Variants in ZC3H7B observed in about 807,000 individuals in gnomAD.
The protein encoded by ZC3H7B is zinc finger CCCH domain-containing protein 7B.
In ZC3H7B, 35 loss-of-function variants were observed where a neutral mutation model predicts 116.0. The ratio of observed to expected loss-of-function variants is 0.30; its 90% CI spans 0.23 to 0.40. ZC3H7B has a LOEUF of 0.40. Ranked by LOEUF, ZC3H7B falls within the 10% of genes least tolerant of loss-of-function variation. ZC3H7B has a pLI of 1.00. For missense variants in ZC3H7B, 1,011 were observed against 1,321.5 expected (o/e 0.77, Z 3.64); for synonymous variants, 502 against 545.6 (o/e 0.92, Z 1.11).
chr22:41,311,914 T>C (rs941965630), intron 1 of ZC3H7B, among the ~76,000 whole-genome samples: 1 of 152,168 alleles, frequency 6.6e-6, no homozygotes, highest in Non-Finnish European at 1.5e-5. Context: ...AATAGCTGCA[T>C]TGTATTCCAT....
intron 16 of ZC3H7B, among the ~76,000 whole-genome samples, chr22:41,350,230 G>C (rs145678077): frequency 6.6e-6 from 1 of 152,176 alleles, no homozygotes; most frequent in Non-Finnish European, 1.5e-5. Context: ...ATGGTCCCTG[G>C]GGGTAGAGCA....
At chr22:41,311,693 G>C (rs961461527) in intron 1 of ZC3H7B, among the ~76,000 whole-genome samples, 1 of 152,040 alleles carries the variant, frequency 6.6e-6, no homozygotes, top group African/African-American at 2.4e-5. Flanking sequence ...TAGGCGAGTC[G>C]TTAACATGAC....
rs1344969842 is a variant in ZC3H7B, at chr22:41,346,858, G to C, written c.1665+650G>C. On this transcript the variant is annotated intron_variant, in intron 14 of 22. Coordinates refer to ENST00000352645, the MANE Select transcript of ZC3H7B (RefSeq NM_017590.6). The surrounding 1 kb of genome is among the most constrained non-coding windows in gnomAD (Gnocchi z 5.3). ...TGCGCCTCCCGTCCCAGTTACTCAG[G>C]AGGCTAAGGTGGGAGGATTGATTGC... Among the ~76,000 whole-genome samples the C allele has an allele frequency of 6.6e-6, 1 of 151,866 alleles. No homozygotes were observed. The highest frequency in any genetic ancestry group is 2.4e-5 in the African/African-American group (1 of 41,290).
chr22:41,305,704 G>A (rs1003137566), intron 1 of ZC3H7B, among the ~76,000 whole-genome samples: 2 of 152,144 alleles, frequency 1.3e-5, no homozygotes, highest in Non-Finnish European at 2.9e-5. Flanking sequence ...AAGGAGGACC[G>A]GTCCCTGAGC....
In ZC3H7B at chr22:41,339,953, C is replaced by T. The variant is rs761783968; in HGVS notation, c.954C>T (p.Pro318=). ...TCCCTGTCTCCAGCCCACTGCCCCC[C>T]GCCTCCTTCGGCTTGGTCATGGACC... ...GSIPVSSPLP[P]ASFGLVMDPS... Residue 318 remains proline, a synonymous_variant, in exon 10 of 23, where the codon CCC becomes CCT. Coordinates refer to ENST00000352645, the MANE Select transcript of ZC3H7B (RefSeq NM_017590.6). 1.4e-5 allele frequency: 23 copies of T among 1,612,810 alleles called. No individual in the cohort carries two copies. Among genetic ancestry groups the T allele is most frequent in the Admixed American group, 1.0e-4 (6 of 60,024 alleles).
intron 4 of ZC3H7B, 92 bp downstream of exon 4, chr22:41,326,010 G>C (rs1248727680): frequency 1.4e-6 from 2 of 1,434,150 alleles, no homozygotes; most frequent in Admixed American, 4.4e-5. Context: ...TGAGCCTGTA[G>C]ACCAGGGCCA....
At chr22:41,314,766 C>T (rs1356833687) in intron 1 of ZC3H7B, among the ~76,000 whole-genome samples, 1 of 150,878 alleles carries the variant, frequency 6.6e-6, no homozygotes, top group Non-Finnish European at 1.5e-5. Context: ...TGTGCCACCA[C>T]ACCTGGCTAA....
chr22:41,325,837 C>T lies in ZC3H7B; in HGVS notation c.204C>T (p.Tyr68=), dbSNP rs111808856. ...TGGAAGGGCTGAACGTGGCCGACTA[C>T]GCTGCCTCTGACCAGGTGGCCCTGC... is the stretch of plus-strand genomic sequence containing the variant. ...QYMEGLNVAD[Y]AASDQVALPR... The change falls in exon 4 of 23, where the codon TAC becomes TAT. Residue 68 remains tyrosine, a synonymous_variant. Coordinates refer to ENST00000352645, the MANE Select transcript of ZC3H7B (RefSeq NM_017590.6). 21 of 1,612,932 alleles carry T rather than the reference C, an allele frequency of 1.3e-5. No homozygotes were observed. The highest frequency in any genetic ancestry group is 4.5e-5 in the East Asian group (2 of 44,886).
Position 41,357,162 on chromosome 22 carries a change from T to A in ZC3H7B, c.2682-15T>A. On this transcript the variant is annotated splice_polypyrimidine_tract_variant and intron_variant, in intron 22 of 22. Transcript: ENST00000352645. This position sits in a 1 kb window ranked among gnomAD's most constrained non-coding sequence, Gnocchi z 5.4. The stretch of plus-strand genomic sequence containing the variant: ...GGGCACAGAGCTCGGGCAGTGAGCC[T>A]CCTGCCACCCACAGGCTCCAGAAGG... 6.2e-7 allele frequency: 1 copy of A among 1,610,958 alleles called. No individual in the cohort carries two copies.
At chr22:41,315,681 A>C (rs2036173637) in intron 1 of ZC3H7B, among the ~76,000 whole-genome samples, 1 of 152,048 alleles carries the variant, frequency 6.6e-6, no homozygotes, top group Admixed American at 6.6e-5. Context: ...TACAGACCTC[A>C]CTGTGTCCTC....
intron 7 of ZC3H7B, among the ~76,000 whole-genome samples, chr22:41,337,653 G>T (rs547118301): frequency 1.3e-5 from 2 of 152,274 alleles, no homozygotes; most frequent in Non-Finnish European, 2.9e-5. Flanking sequence ...GTGGTGCTGT[G>T]GGGGGAGGCT....
At chr22:41,326,163 A>G (rs1266307354) in intron 4 of ZC3H7B, among the ~76,000 whole-genome samples, 1 of 152,224 alleles carries the variant, frequency 6.6e-6, no homozygotes, top group Non-Finnish European at 1.5e-5. Flanking sequence ...CTGATGCCCT[A>G]GCCCTAGCCC....
At chr22:41,324,952 C>T (rs1212335491) in intron 2 of ZC3H7B, among the ~76,000 whole-genome samples, 2 of 152,236 alleles carry the variant, frequency 1.3e-5, no homozygotes, top group Non-Finnish European at 2.9e-5. Context: ...TCCTCTCCTC[C>T]TGGCCTTCAG....
Position 41,357,031 on chromosome 22 carries a change from T to C in ZC3H7B, c.2682-146T>C. Reference sequence around the variant, plus strand: ...GCTGTGGGGCAGATCCCAGAGAGGGTCAGGACACCCAGGTTTTCCCTGAGC... The same window carrying C: ...GCTGTGGGGCAGATCCCAGAGAGGGCCAGGACACCCAGGTTTTCCCTGAGC... On this transcript the variant is annotated intron_variant, in intron 22 of 22. Coordinates refer to ENST00000352645, the MANE Select transcript of ZC3H7B (RefSeq NM_017590.6). The surrounding 1 kb of genome is among the most constrained non-coding windows in gnomAD (Gnocchi z 5.4). 1 of 1,395,534 alleles carries C rather than the reference T, an allele frequency of 7.2e-7. No homozygotes were observed. The highest frequency in any genetic ancestry group is 9.6e-7 in the Non-Finnish European group (1 of 1,041,652). 86.4% of individuals were successfully genotyped at this position (1,395,534 alleles called of 1,614,324 possible). A position where few individuals can be genotyped will look rare whatever the true frequency, so the allele number is the denominator to read the frequency against.
intron 7 of ZC3H7B, among the ~76,000 whole-genome samples, chr22:41,337,578 C>T (rs576076965): frequency 3.3e-5 from 5 of 152,144 alleles, no homozygotes; most frequent in Non-Finnish European, 5.9e-5. Flanking sequence ...CTGGGGCTAC[C>T]GTGGGAGAGG....
chr22:41,351,258 G>T lies in ZC3H7B; in HGVS notation c.1949-303G>T, dbSNP rs1038513770. The stretch of plus-strand genomic sequence containing the variant: ...TGCTGAGTCACCGGCCCAAGAGACA[G>T]GGTCACTGGCATGGGAGCAGAGGAC... On this transcript the variant is annotated intron_variant, in intron 16 of 22. Coordinates refer to ENST00000352645, the MANE Select transcript of ZC3H7B (RefSeq NM_017590.6). The surrounding 1 kb of genome is among the most constrained non-coding windows in gnomAD (Gnocchi z 5.1). Among the ~76,000 whole-genome samples, 1 of 152,200 alleles carries T rather than the reference G, an allele frequency of 6.6e-6. No individual in the cohort carries two copies. Among genetic ancestry groups the T allele is most frequent in the Non-Finnish European group, 1.5e-5 (1 of 68,032 alleles).
chr22:41,350,631 G>T lies in ZC3H7B; in HGVS notation c.1949-930G>T, dbSNP rs1023109052. 4.6e-5 allele frequency among the ~76,000 whole-genome samples: 7 copies of T among 152,314 alleles called. No individual in the cohort carries two copies. The East Asian group carries it at 1.3e-3, about 29-fold the overall frequency. On this transcript the variant is annotated intron_variant, in intron 16 of 22. Coordinates refer to ENST00000352645, the MANE Select transcript of ZC3H7B (RefSeq NM_017590.6). ...GACTCTAAGATCAGAGCAACAGGAAGAATGGGGCTACCATGTTCTAAGAGG... is the reference window on the plus strand; with the variant it reads ...GACTCTAAGATCAGAGCAACAGGAATAATGGGGCTACCATGTTCTAAGAGG...
intron 1 of ZC3H7B, among the ~76,000 whole-genome samples, chr22:41,308,884 G>GTC (rs2036081118): frequency 6.6e-6 from 1 of 152,018 alleles, no homozygotes; most frequent in African/African-American, 2.4e-5. Context: ...CAGGGCCATT[G>GTC]CCTGTGCCCT....
intron 1 of ZC3H7B, among the ~76,000 whole-genome samples, chr22:41,306,182 T>C (rs1714843309): frequency 6.6e-6 from 1 of 152,128 alleles, no homozygotes; most frequent in Admixed American, 6.6e-5. Flanking sequence ...TGGGCCTCAG[T>C]TTCCCCTTCT....
Sources: gnomAD v4.1 joint callset for allele counts (sites outside exome capture counted in the v4.1 genomes callset) on GRCh38, gnomAD v4.1.1 for gene constraint, Gnocchi (gnomAD v3.1) non-coding constraint, MANE v1.5 for transcripts, NCBI Gene and HGNC (gene_info 2026-07-23, HGNC 2026-07-21) for gene names.